The following EIF2B3 variants were observed in gnomAD, a reference collection of about 807,000 sequenced individuals.
EIF2B3 encodes the protein eukaryotic translation initiation factor 2B subunit gamma, also known as translation initiation factor eIF2B subunit gamma.
EIF2B3 carries 20 observed loss-of-function variants against 54.1 expected under a neutral mutation model. The ratio of observed to expected loss-of-function variants is 0.37; its 90% CI spans 0.26 to 0.54. EIF2B3 has a LOEUF of 0.54. Among genes scored for constraint, EIF2B3 ranks in the 20% least tolerant of loss-of-function variants. The pLI, the probability that EIF2B3 is intolerant of heterozygous loss-of-function variation, is 0.86. For synonymous variants in EIF2B3, 153 were observed against 188.1 expected, an observed-to-expected ratio of 0.81 and a Z score of 1.52; for missense variants, 448 against 547.8, an observed-to-expected ratio of 0.82 and a Z score of 1.82.
chr1:44,953,163 A>C (rs1051131691), intron 3 of EIF2B3, among the ~76,000 whole-genome samples: 1 of 151,834 alleles, frequency 6.6e-6, no homozygotes, highest in Non-Finnish European at 1.5e-5. Flanking sequence ...AAAAAAAAAA[A>C]AAAACCAGAA....
chr1:44,911,693 GTTTGTTTTGT>G (rs576546877), intron 5 of EIF2B3, among the ~76,000 whole-genome samples: 1 of 151,936 alleles, frequency 6.6e-6, no homozygotes. Context: ...TTTTTTGTTT[GTTTGTTTTGT>G]TTTGTTTTGT....
intron 10 of EIF2B3, among the ~76,000 whole-genome samples, chr1:44,869,772 G>C (rs1654905222): frequency 6.6e-6 from 1 of 151,468 alleles, no homozygotes; most frequent in African/African-American, 2.4e-5. Context: ...GGCTAATTTG[G>C]CCAATTCTTT....
intron 10 of EIF2B3, among the ~76,000 whole-genome samples, chr1:44,873,372 T>C (rs1259261790): frequency 6.6e-6 from 1 of 152,210 alleles, no homozygotes; most frequent in African/African-American, 2.4e-5. Flanking sequence ...ACTAGTTCTT[T>C]ATTTTTCAGC....
chr1:44,925,709 G>A (rs1422866436), intron 5 of EIF2B3, among the ~76,000 whole-genome samples: 4 of 151,072 alleles, frequency 2.6e-5, no homozygotes, highest in East Asian at 3.9e-4. Context: ...GGTGGACTAC[G>A]GGTCAGGAGT....
chr1:44,853,601 T>C (rs1654345917), intron 11 of EIF2B3, among the ~76,000 whole-genome samples: 1 of 152,044 alleles, frequency 6.6e-6, no homozygotes, highest in African/African-American at 2.4e-5. Context: ...AGTAAGACCC[T>C]GTCTCAAAAA....
chr1:44,936,759 G>C (rs1373209225), intron 4 of EIF2B3, among the ~76,000 whole-genome samples: 1 of 152,164 alleles, frequency 6.6e-6, no homozygotes, highest in African/African-American at 2.4e-5. Context: ...ATGTGATATA[G>C]AATGTTTACA....
chr1:44,859,726 C>A (rs1052145531), intron 10 of EIF2B3, among the ~76,000 whole-genome samples: 8 of 152,120 alleles, frequency 5.3e-5, no homozygotes, highest in African/African-American at 1.9e-4. Flanking sequence ...TACTCTATGC[C>A]AGGTATTGTG....
At chr1:44,979,062 G>T (rs560932816) in intron 2 of EIF2B3, among the ~76,000 whole-genome samples, 2 of 151,394 alleles carry the variant, frequency 1.3e-5, no homozygotes, top group African/African-American at 4.8e-5. Flanking sequence ...CGAGGCAGGC[G>T]GATCACTTGA....
intron 3 of EIF2B3, among the ~76,000 whole-genome samples, chr1:44,966,606 T>G (rs1308781161): frequency 6.6e-6 from 1 of 152,054 alleles, no homozygotes; most frequent in Admixed American, 6.5e-5. Flanking sequence ...AAGAGGGGGC[T>G]CTAGAGCTGT....
chr1:44,888,473 A>ATCTCTCTCTCTCTCTCTC (rs3044260), intron 6 of EIF2B3, among the ~76,000 whole-genome samples: 45 of 144,528 alleles, frequency 3.1e-4, no homozygotes, highest in African/African-American at 1.1e-3. Context: ...TGGCTTCTCA[A>ATCTCTCTCTCTCTCTCTC]TCTCTCTCTC....
Position 44,978,621 on chromosome 1 carries a change from C to CTTTTT in EIF2B3, c.149-166_149-162dup, listed in dbSNP as rs57964686. Reference sequence around the variant, plus strand: ...TTTACCTGCATTCCCCCAATAAATTCTTTTTTTTTTTTTTTTTTTTTTTTT... The same window carrying CTTTTT: ...TTTACCTGCATTCCCCCAATAAATTCTTTTTTTTTTTTTTTTTTTTTTTTTTTTTT... On this transcript the variant is annotated intron_variant, in intron 2 of 11. Coordinates refer to ENST00000360403, the MANE Select transcript of EIF2B3 (RefSeq NM_020365.5). 6.1e-4 allele frequency among the ~76,000 whole-genome samples: 47 copies of CTTTTT among 76,626 alleles called. 8 individuals carry two copies. The highest frequency in any genetic ancestry group is 1.4e-3 in the African/African-American group (21 of 15,310). The allele number at this position is 76,626 out of a possible 152,430, so 50.3% of individuals were successfully genotyped here.
chr1:44,975,304 C>T (rs753236971), intron 3 of EIF2B3, among the ~76,000 whole-genome samples: 6 of 152,152 alleles, frequency 3.9e-5, no homozygotes, highest in Non-Finnish European at 5.9e-5. Flanking sequence ...TTATGTGTTA[C>T]TTAATGACAG....
chr1:44,915,259 C>T (rs903745154), intron 5 of EIF2B3, among the ~76,000 whole-genome samples: 14 of 151,166 alleles, frequency 9.3e-5, no homozygotes, highest in African/African-American at 9.7e-5. Flanking sequence ...GAGATTGTGC[C>T]GCTGCACTCC....
chr1:44,908,890 T>C (rs1040633597), intron 5 of EIF2B3, among the ~76,000 whole-genome samples: 1 of 151,976 alleles, frequency 6.6e-6, no homozygotes, highest in Non-Finnish European at 1.5e-5. Flanking sequence ...ATGGATGGGG[T>C]AGCTGGGGAA....
At chr1:44,880,979 A>G (rs1655381240) in intron 7 of EIF2B3, among the ~76,000 whole-genome samples, 4 of 152,240 alleles carry the variant, frequency 2.6e-5, no homozygotes, top group African/African-American at 9.6e-5. Flanking sequence ...AAAAAAAAAA[A>G]AAGACACAAT....
chr1:44,914,498 A>T lies in EIF2B3; in HGVS notation c.566+12130T>A, dbSNP rs189897340. Reference sequence around the variant, plus strand: ...AAAATACAGAAAAGTACAAAGAAAAAAATAATAATCATCAATACTTCCACA... The same window carrying T: ...AAAATACAGAAAAGTACAAAGAAAATAATAATAATCATCAATACTTCCACA... On this transcript the variant is annotated intron_variant, in intron 5 of 11. Transcript: ENST00000360403. Among the ~76,000 whole-genome samples the T allele has an allele frequency of 1.1e-4, 17 of 152,340 alleles. No homozygotes were observed. In the East Asian group the frequency reaches 3.3e-3, roughly 29 times the overall value.
chr1:44,958,676 G>A (rs987169091), intron 3 of EIF2B3: 1 of 1,597,712 alleles, frequency 6.3e-7, no homozygotes, highest in South Asian at 1.1e-5. Flanking sequence ...GCAGTGGTGA[G>A]TTTAGTCGCT....
intron 3 of EIF2B3, among the ~76,000 whole-genome samples, chr1:44,975,796 C>A (rs1197799536): frequency 6.6e-6 from 1 of 152,024 alleles, no homozygotes; most frequent in African/African-American, 2.4e-5. Flanking sequence ...CATGGTGAAA[C>A]CCTGTCTCTA....
At chr1:44,984,753 A>G (rs1418572781) in intron 1 of EIF2B3, among the ~76,000 whole-genome samples, 2 of 149,960 alleles carry the variant, frequency 1.3e-5, no homozygotes, top group Non-Finnish European at 3.0e-5. Flanking sequence ...TGTTGTTAAG[A>G]TTAAATTTGT....
Sources: gnomAD v4.1 joint callset for allele counts (sites outside exome capture counted in the v4.1 genomes callset) on GRCh38, gnomAD v4.1.1 for gene constraint, MANE v1.5 for transcripts, NCBI Gene and HGNC (gene_info 2026-07-23, HGNC 2026-07-21) for gene names.